Variants in LITAF observed in about 807,000 individuals in gnomAD.
The protein encoded by LITAF is lipopolysaccharide-induced tumor necrosis factor-alpha factor.
Under a neutral mutation model 14.5 loss-of-function variants are expected in LITAF, and 9 were observed. That is an observed-to-expected ratio of 0.62 (90% CI 0.37 to 1.08). The LOEUF is 1.08. Ranked by LOEUF, LITAF falls within the 50% of genes least tolerant of loss-of-function variation. The pLI is 0.01. For synonymous variants in LITAF, 98 were observed against 88.2 expected (o/e 1.11, Z -0.62); for missense variants, 206 against 213.4 (o/e 0.97, Z 0.22).
At chr16:11,579,218 G>A (rs535104470) in intron 1 of LITAF, among the ~76,000 whole-genome samples, 15 of 151,908 alleles carry the variant, frequency 9.9e-5, no homozygotes, top group African/African-American at 3.6e-4. Context: ...TTGGGAGGCC[G>A]AGGCAGGTGG....
intron 1 of LITAF, among the ~76,000 whole-genome samples, chr16:11,593,207 T>C (rs573062188): frequency 1.3e-5 from 2 of 151,520 alleles, no homozygotes; most frequent in African/African-American, 4.8e-5. Context: ...AATACAAAAA[T>C]TAGCCGGGCA....
At chr16:11,567,440 A>G (rs1241655548) in intron 1 of LITAF, among the ~76,000 whole-genome samples, 2 of 151,352 alleles carry the variant, frequency 1.3e-5, no homozygotes, top group East Asian at 3.9e-4. Context: ...AAAACACAAA[A>G]CAAAACAAAA....
upstream of LITAF, among the ~76,000 whole-genome samples, chr16:11,600,132 G>C (rs1366281087): frequency 2.0e-5 from 3 of 152,026 alleles, no homozygotes; most frequent in Non-Finnish European, 2.9e-5. This position sits in a 1 kb window ranked among gnomAD's most constrained non-coding sequence, Gnocchi z 4.1. Context: ...CGAGTAGCTG[G>C]GACTACAGAC....
At chr16:11,593,951 C>T (rs890260118) in intron 1 of LITAF, among the ~76,000 whole-genome samples, 16 of 151,922 alleles carry the variant, frequency 1.1e-4, no homozygotes, top group Admixed American at 9.8e-4. Context: ...CCAAGGCAGG[C>T]GAGTTGCTTG....
chr16:11,556,690 G>A lies in LITAF; in HGVS notation c.41C>T (p.Ser14Phe). Residue 14 changes from serine (S) to phenylalanine (F), a missense_variant, in exon 2 of 4, where the codon TCC (serine) becomes TTC (phenylalanine). Physicochemically the swap from Ser to Phe is radical, Grantham distance 155. Transcript: ENST00000622633. ...PGPYQAATGPSSAPSAPPSYE... is the reference protein window; with the variant it reads ...PGPYQAATGPFSAPSAPPSYE... ...GGATGGAGGTGCGGATGGTGCTGAG[G>A]AAGGCCCAGTGGCCGCCTGGTAAGG... The A allele has an allele frequency of 6.2e-7, 1 of 1,614,208 alleles. No homozygotes were observed.
chr16:11,589,184 C>T (rs73511532), upstream of LITAF, among the ~76,000 whole-genome samples: 7,215 of 152,192 alleles, frequency 0.047, 558 homozygotes, highest in African/African-American at 0.16. Flanking sequence ...TAAAAGTAAA[C>T]TGGGCCACGT....
In LITAF at chr16:11,549,370, G is replaced by C. The variant is rs916808449; in HGVS notation, c.*267C>G. ...GGGCAATGATCACAGTTAGATGGCAGGACTCAGGGTCTCAGGGAGGCAGGA... is the reference window on the plus strand; with the variant it reads ...GGGCAATGATCACAGTTAGATGGCACGACTCAGGGTCTCAGGGAGGCAGGA... On this transcript the variant is annotated 3_prime_UTR_variant, in exon 4 of 4. Coordinates refer to ENST00000622633, the MANE Select transcript of LITAF (RefSeq NM_001136472.2). The surrounding 1 kb of genome is among the most constrained non-coding windows in gnomAD (Gnocchi z 4.6). 2.3e-5 allele frequency: 12 copies of C among 523,618 alleles called. No homozygotes were observed. Among genetic ancestry groups the C allele is most frequent in the African/African-American group, 1.5e-4 (8 of 52,534 alleles). The allele number at this position is 523,618 out of a possible 1,614,324, so 32.4% of individuals were successfully genotyped here.
chr16:11,591,052 A>G (rs1257974397), upstream of LITAF, among the ~76,000 whole-genome samples: 4 of 118,520 alleles, frequency 3.4e-5, 1 homozygote, highest in Non-Finnish European at 6.8e-5. Flanking sequence ...TGTAATCTCT[A>G]TCAAAATTCC....
At chr16:11,557,134 G>A (rs1277976346) in intron 1 of LITAF, among the ~76,000 whole-genome samples, 1 of 150,876 alleles carries the variant, frequency 6.6e-6, no homozygotes, top group East Asian at 1.9e-4. Context: ...AACTGTTTCA[G>A]GTAACGGAAA....
intron 3 of LITAF, among the ~76,000 whole-genome samples, chr16:11,611,749 AC>A (rs1214150534): frequency 2.0e-5 from 3 of 146,464 alleles, no homozygotes; most frequent in Admixed American, 6.9e-5. Context: ...TGCAATCTCC[AC>A]CTCTCGGGTT....
At chr16:11,594,980 G>A (rs544431540) in intron 1 of LITAF, among the ~76,000 whole-genome samples, 79 of 152,098 alleles carry the variant, frequency 5.2e-4, no homozygotes, top group African/African-American at 1.7e-3. Context: ...GGAATTTTTC[G>A]TCCTTTTGCT....
upstream of LITAF, among the ~76,000 whole-genome samples, chr16:11,599,509 T>G (rs950486763): frequency 2.6e-5 from 4 of 152,122 alleles, no homozygotes; most frequent in Non-Finnish European, 5.9e-5. Flanking sequence ...GGAACTCATG[T>G]GTTTCCAGAA....
intron 3 of LITAF, among the ~76,000 whole-genome samples, chr16:11,620,337 A>G (rs775814674): frequency 1.3e-5 from 2 of 151,962 alleles, no homozygotes; most frequent in Non-Finnish European, 1.5e-5. Context: ...GGGAGATCTG[A>G]TTGTTTAAAA....
At chr16:11,614,590 G>A (rs2065005144) in intron 3 of LITAF, among the ~76,000 whole-genome samples, 1 of 151,426 alleles carries the variant, frequency 6.6e-6, no homozygotes, top group African/African-American at 2.4e-5. Flanking sequence ...ATGAGCCACT[G>A]TGCCCAGGCT....
upstream of LITAF, among the ~76,000 whole-genome samples, chr16:11,637,071 A>G (rs954162193): frequency 1.3e-5 from 2 of 152,090 alleles, no homozygotes; most frequent in African/African-American, 2.4e-5. Context: ...TTGTATTTTT[A>G]GTAGAGATGG....
rs1302085376 is a variant in LITAF, at chr16:11,555,034, A to AT, written c.221-1346dup. Reference sequence around the variant, plus strand: ...AATCATACTTTAGCACTTACGTGTAATTTTTTTTTGGCAGGGGGGACAAGG... The same window carrying AT: ...AATCATACTTTAGCACTTACGTGTAATTTTTTTTTTGGCAGGGGGGACAAGG... On this transcript the variant is annotated intron_variant, in intron 2 of 3. Coordinates refer to ENST00000622633, the MANE Select transcript of LITAF (RefSeq NM_001136472.2). Among the ~76,000 whole-genome samples the AT allele has an allele frequency of 7.9e-5, 12 of 151,120 alleles. No homozygotes were observed. The East Asian group carries it at 9.8e-4, about 12-fold the overall frequency.
At chr16:11,567,385 A>T (rs1056709552) in intron 1 of LITAF, among the ~76,000 whole-genome samples, 21 of 151,144 alleles carry the variant, frequency 1.4e-4, no homozygotes, top group Admixed American at 1.1e-3. Context: ...GTGCCACTGC[A>T]CTCCAGCCTG....
intron 1 of LITAF, chr16:11,584,229 GT>G (rs1283129182): frequency 6.6e-6 from 1 of 152,176 alleles, no homozygotes; most frequent in Non-Finnish European, 1.5e-5. Flanking sequence ...TTTCACTGCT[GT>G]AAAAGCGAAA....
At chr16:11,556,861 GT>G in intron 1 of LITAF, 126 bp from the exon 2 acceptor site, 1 of 840,706 alleles carries the variant, frequency 1.2e-6, no homozygotes, top group Admixed American at 2.0e-5. Context: ...ATCCAGCTTT[GT>G]CCAAAAGCTA....
Sources: allele counts gnomAD v4.1 joint callset (sites outside exome capture counted in the v4.1 genomes callset), GRCh38; gene constraint gnomAD v4.1.1; non-coding constraint Gnocchi (gnomAD v3.1); transcripts MANE v1.5; gene names NCBI Gene and HGNC (gene_info 2026-07-23, HGNC 2026-07-21).